ARPC2: variants seen among roughly 807,000 people sequenced by gnomAD.
ARPC2 encodes the protein actin-related protein 2/3 complex subunit 2.
A neutral mutation model predicts 38.6 loss-of-function variants in ARPC2; 4 were observed. That is an observed-to-expected ratio of 0.10 (90% CI 0.05 to 0.24). The LOEUF (loss-of-function observed/expected upper bound fraction) is 0.24, where lower values mean the gene tolerates loss of function less well. Ranked by LOEUF, ARPC2 falls within the 10% of genes least tolerant of loss-of-function variation. The pLI, the probability that ARPC2 is intolerant of heterozygous loss-of-function variation, is 1.00. For synonymous variants in ARPC2, 125 were observed against 140.8 expected, an observed-to-expected ratio of 0.89 and a Z score of 0.79; for missense variants, 229 against 387.3, an observed-to-expected ratio of 0.59 and a Z score of 3.43.
intron 7 of ARPC2, among the ~76,000 whole-genome samples, chr2:218,243,537 C>T (rs186168987): frequency 5.5e-4 from 84 of 152,226 alleles, no homozygotes; most frequent in Admixed American, 5.4e-3. Context: ...CAGCACTTTG[C>T]GGGGCCTAGG....
rs200038830 is a variant in ARPC2 at position 218,225,928 on chromosome 2, C to G, written c.83C>G (p.Pro28Arg). The G allele has an allele frequency of 6.2e-7, 1 of 1,613,586 alleles. No homozygotes were observed. ...TTTTTTGTTGTTTACAGAAACAAAC[C>G]GGAAGCAGTAGAAGTAACATTTGCA... is the stretch of plus-strand genomic sequence containing the variant. ...KFENAAAGNK[P>R]EAVEVTFADF... Residue 28 changes from proline to arginine, a missense_variant, in exon 3 of 11, where the codon CCG becomes CGG. By Grantham distance (103) the Pro-to-Arg change is moderately radical. This residue lies in a region of ARPC2 where 135 missense variants were observed against 214.1 expected (regional missense o/e 0.63). Coordinates refer to ENST00000315717, the MANE Select transcript of ARPC2 (RefSeq NM_152862.3).
intron 6 of ARPC2, 23 bp from the exon 7 acceptor site, chr2:218,239,368 C>T: frequency 6.5e-7 from 1 of 1,545,750 alleles, no homozygotes; most frequent in Non-Finnish European, 8.9e-7. Context: ...TGTACTTATC[C>T]TCATGGATTT....
chr2:218,232,185 G>A (rs1185432480), intron 4 of ARPC2, among the ~76,000 whole-genome samples: 2 of 152,142 alleles, frequency 1.3e-5, no homozygotes, highest in African/African-American at 4.8e-5. Context: ...AGGTTGCAAT[G>A]AGCCGAGATC....
At chr2:218,246,369 A>T (rs1002067026) in intron 8 of ARPC2, among the ~76,000 whole-genome samples, 1 of 151,910 alleles carries the variant, frequency 6.6e-6, no homozygotes, top group Non-Finnish European at 1.5e-5. Flanking sequence ...TACCAAAAAA[A>T]TAACAAAGAA....
rs894642575 is a variant in ARPC2, at chr2:218,217,205, T to TGGCGGCGGC, written c.-48_-40dup. 4.6e-6 allele frequency: 2 copies of TGGCGGCGGC among 431,310 alleles called. No individual in the cohort carries two copies. Among genetic ancestry groups the TGGCGGCGGC allele is most frequent in the South Asian group, 3.0e-5 (1 of 33,186 alleles). The allele number at this position is 431,310 out of a possible 1,614,324, so 26.7% of individuals were successfully genotyped here. A position where few individuals can be genotyped will look rare whatever the true frequency, so the allele number is the denominator to read the frequency against. On this transcript the variant is annotated 5_prime_UTR_variant, in exon 1 of 11. Transcript: ENST00000315717. ...ACCGGGCTTGTCGGTGAAGCGGCAG[T>TGGCGGCGGC]GGCGGCGGCGGCGGCGGCTCGGCAG...
In ARPC2 at chr2:218,246,851, G is replaced by A. The variant is rs540193685; in HGVS notation, c.676+1305G>A. Among the ~76,000 whole-genome samples the A allele has an allele frequency of 3.3e-5, 5 of 152,262 alleles. No individual in the cohort carries two copies. In the East Asian group the frequency reaches 7.7e-4, roughly 24 times the overall value. On this transcript the variant is annotated intron_variant, in intron 8 of 10. Transcript: ENST00000315717. Reference sequence around the variant, plus strand: ...TTGGACATGGTGACATGTGCCTATAGTCTATAGTCCCAGCTACTCGGGCAA... The same window carrying A: ...TTGGACATGGTGACATGTGCCTATAATCTATAGTCCCAGCTACTCGGGCAA...
intron 6 of ARPC2, 86 bp from the exon 7 acceptor site, chr2:218,239,305 A>G: frequency 2.2e-6 from 2 of 914,586 alleles, no homozygotes; most frequent in South Asian, 2.9e-5. Flanking sequence ...TTATGACTTT[A>G]GCCTTCTGAT....
chr2:218,232,260 A>C (rs1333487748), intron 4 of ARPC2, among the ~76,000 whole-genome samples: 3 of 152,138 alleles, frequency 2.0e-5, no homozygotes, highest in Non-Finnish European at 4.4e-5. Context: ...GAATTAATTA[A>C]ATTAAAATAA....
chr2:218,249,965 C>A, intron 10 of ARPC2, 44 bp downstream of exon 10: 1 of 1,500,610 alleles, frequency 6.7e-7, no homozygotes, highest in South Asian at 1.2e-5. Flanking sequence ...TCTCCTGAGT[C>A]ACCGAGAAGG....
intron 2 of ARPC2, among the ~76,000 whole-genome samples, chr2:218,222,245 T>C (rs1270140600): frequency 6.6e-6 from 1 of 151,870 alleles, no homozygotes; most frequent in Non-Finnish European, 1.5e-5. Context: ...CCAGCCTGGG[T>C]GACAGAGCGA....
chr2:218,247,938 G>A (rs935028154), intron 8 of ARPC2, among the ~76,000 whole-genome samples: 8 of 113,932 alleles, frequency 7.0e-5, no homozygotes, highest in Admixed American at 2.2e-4. Context: ...ACAAGACTCC[G>A]TCTCAAAAAA....
At chr2:218,237,199 C>CT (rs1268437343) in intron 5 of ARPC2, among the ~76,000 whole-genome samples, 1 of 151,898 alleles carries the variant, frequency 6.6e-6, no homozygotes, top group African/African-American at 2.4e-5. Flanking sequence ...GCTCCTTTTT[C>CT]TTTTTTTCTT....
At chr2:218,224,469 T>C (rs1474293458) in intron 2 of ARPC2, among the ~76,000 whole-genome samples, 2 of 152,228 alleles carry the variant, frequency 1.3e-5, no homozygotes, top group African/African-American at 4.8e-5. Flanking sequence ...ATTCAGTTGG[T>C]CCATGATTAA....
chr2:218,220,243 C>CT (rs1209020570), intron 2 of ARPC2, among the ~76,000 whole-genome samples: 1 of 152,192 alleles, frequency 6.6e-6, no homozygotes, highest in Non-Finnish European at 1.5e-5. Flanking sequence ...CTCCACCCTA[C>CT]TTTTTGCACT....
intron 3 of ARPC2, chr2:218,227,171 C>T: frequency 2.8e-6 from 1 of 354,940 alleles, no homozygotes; most frequent in Non-Finnish European, 5.7e-6. Context: ...ATGACAGCTC[C>T]ATAAAGTGAT....
At chr2:218,244,318 T>A (rs942628528) in intron 7 of ARPC2, among the ~76,000 whole-genome samples, 2 of 152,210 alleles carry the variant, frequency 1.3e-5, no homozygotes, top group African/African-American at 4.8e-5. Context: ...TCATCTTTCT[T>A]TTGCCACTAA....
chr2:218,236,280 T>C (rs895602911), intron 5 of ARPC2: 1 of 152,206 alleles, frequency 6.6e-6, no homozygotes, highest in Non-Finnish European at 1.5e-5. Flanking sequence ...TTTGCTCTTA[T>C]TTGGCTTCCT....
In ARPC2 at chr2:218,225,935, A is replaced by G. The variant is rs752845618; in HGVS notation, c.90A>G (p.Ala30=). 1 of 1,613,802 alleles carries G rather than the reference A, an allele frequency of 6.2e-7. No individual in the cohort carries two copies. The highest frequency in any genetic ancestry group is 8.5e-7 in the Non-Finnish European group (1 of 1,179,734). ...ENAAAGNKPE[A]VEVTFADFDG... is the part of the protein sequence containing the mutation. ...TTGTTTACAGAAACAAACCGGAAGCAGTAGAAGTAACATTTGCAGGTAAGC... is the reference window on the plus strand; with the variant it reads ...TTGTTTACAGAAACAAACCGGAAGCGGTAGAAGTAACATTTGCAGGTAAGC... Residue 30 remains alanine (A), a synonymous_variant, in exon 3 of 11, where the codon GCA becomes GCG. Coordinates refer to ENST00000315717, the MANE Select transcript of ARPC2 (RefSeq NM_152862.3).
intron 4 of ARPC2, chr2:218,233,774 T>C (rs1474066451): frequency 6.6e-6 from 1 of 152,222 alleles, no homozygotes; most frequent in African/African-American, 2.4e-5. Context: ...TTTTGCTCTC[T>C]TGAAAACAAA....
Sources: allele counts gnomAD v4.1 joint callset (sites outside exome capture counted in the v4.1 genomes callset), GRCh38; gene constraint gnomAD v4.1.1; regional missense constraint gnomAD v4.1.1; transcripts MANE v1.5; gene names NCBI Gene and HGNC (gene_info 2026-07-23, HGNC 2026-07-21).